The following DOK6 variants were observed in gnomAD, a reference collection of about 807,000 sequenced individuals.
The protein encoded by DOK6 is docking protein 6, also known as downstream of tyrosine kinase 6.
In DOK6, 22 loss-of-function variants were observed where a neutral mutation model predicts 44.0. The observed-to-expected ratio is 0.50, with a 90% CI of 0.36 to 0.71. DOK6 has a LOEUF of 0.71. Among genes scored for constraint, DOK6 ranks in the 30% least tolerant of loss-of-function variants. The probability of loss-of-function intolerance (pLI) is 0.00; values close to 1 mark genes in which losing one functional copy is unlikely to be tolerated. For synonymous variants in DOK6, 166 were observed against 145.5 expected (o/e 1.14, Z -1.01); for missense variants, 340 against 416.4 (o/e 0.82, Z 1.60).
chr18:69,654,903 A>G (rs1196627998), intron 3 of DOK6, among the ~76,000 whole-genome samples: 2 of 152,144 alleles, frequency 1.3e-5, no homozygotes, highest in African/African-American at 2.4e-5. Context: ...CAAAAGATAC[A>G]GAAAATTAGC....
intron 6 of DOK6, among the ~76,000 whole-genome samples, chr18:69,743,277 T>A (rs149265444): frequency 6.6e-6 from 1 of 152,354 alleles, no homozygotes; most frequent in African/African-American, 2.4e-5. Context: ...TAGAAATGTT[T>A]CCATTTCACA....
intron 1 of DOK6, among the ~76,000 whole-genome samples, chr18:69,472,474 T>C (rs1568268918): frequency 6.6e-6 from 1 of 152,190 alleles, no homozygotes; most frequent in African/African-American, 2.4e-5. Flanking sequence ...AGATTGCATG[T>C]GCCTTGGAAT....
At chr18:69,519,300 G>A (rs1275561518) in intron 1 of DOK6, among the ~76,000 whole-genome samples, 1 of 151,738 alleles carries the variant, frequency 6.6e-6, no homozygotes, top group African/African-American at 2.4e-5. Flanking sequence ...AATTTATAGT[G>A]AAGAAAAAAA....
intron 1 of DOK6, among the ~76,000 whole-genome samples, chr18:69,434,271 G>A (rs565102779): frequency 6.6e-6 from 1 of 152,232 alleles, no homozygotes; most frequent in South Asian, 2.1e-4. Context: ...CTTGATTAAC[G>A]TTTCTGCCAC....
intron 5 of DOK6, among the ~76,000 whole-genome samples, chr18:69,703,545 A>C (rs1024104644): frequency 2.0e-4 from 30 of 152,190 alleles, no homozygotes; most frequent in African/African-American, 6.8e-4. Flanking sequence ...AAAAACATTA[A>C]TGATGTCAAC....
chr18:69,782,679 G>A (rs573503860), intron 7 of DOK6, among the ~76,000 whole-genome samples: 92 of 152,024 alleles, frequency 6.1e-4, no homozygotes, highest in African/African-American at 2.0e-3. Flanking sequence ...CAGGAGAATC[G>A]CTTGAACCCA....
intron 5 of DOK6, among the ~76,000 whole-genome samples, chr18:69,726,409 G>T (rs963647228): frequency 1.3e-5 from 2 of 151,458 alleles, no homozygotes; most frequent in Non-Finnish European, 2.9e-5. Context: ...TCCAGTTTCC[G>T]GCTAAGCATT....
At chr18:69,431,400 A>C (rs1398003619) in intron 1 of DOK6, among the ~76,000 whole-genome samples, 1 of 152,182 alleles carries the variant, frequency 6.6e-6, no homozygotes, top group African/African-American at 2.4e-5. Context: ...TAGCAACTCT[A>C]GGCAAGAGTG....
chr18:69,524,035 TA>T (rs1390268922), intron 1 of DOK6, among the ~76,000 whole-genome samples: 1 of 152,072 alleles, frequency 6.6e-6, no homozygotes, highest in Admixed American at 6.6e-5. Context: ...GAGTTATGTC[TA>T]AAACTGTACA....
intron 1 of DOK6, among the ~76,000 whole-genome samples, chr18:69,510,102 C>G (rs1464552986): frequency 6.6e-6 from 1 of 152,166 alleles, no homozygotes; most frequent in Non-Finnish European, 1.5e-5. Context: ...ATTTGTGTTT[C>G]AGAAACTTGC....
At chr18:69,493,735 A>G (rs1980803956) in intron 1 of DOK6, among the ~76,000 whole-genome samples, 3 of 152,240 alleles carry the variant, frequency 2.0e-5, no homozygotes. Context: ...TACAAATAAT[A>G]GAAAATTACA....
chr18:69,670,583 C>T (rs2063989436), intron 3 of DOK6, among the ~76,000 whole-genome samples: 1 of 148,702 alleles, frequency 6.7e-6, no homozygotes, highest in African/African-American at 2.5e-5. Context: ...GATCTTGGCT[C>T]ACTGCAACCT....
In DOK6 at chr18:69,474,960, C is replaced by T. The variant is rs138693197; in HGVS notation, c.66+73650C>T. Among the ~76,000 whole-genome samples, 1,323 of 152,140 alleles carry T rather than the reference C, an allele frequency of 8.7e-3. 18 individuals carry two copies. The highest frequency in any genetic ancestry group is 0.029 in the African/African-American group (1,208 of 41,496). Reference sequence around the variant, plus strand: ...CCATTCTAGATACTTAAAAATGATTCATATTTAAAATTTATGTTCTTATAT... The same window carrying T: ...CCATTCTAGATACTTAAAAATGATTTATATTTAAAATTTATGTTCTTATAT... On this transcript the variant is annotated intron_variant, in intron 1 of 7. Transcript: ENST00000382713.
At chr18:69,801,240 A>G (rs990570722) in intron 7 of DOK6, among the ~76,000 whole-genome samples, 1 of 152,180 alleles carries the variant, frequency 6.6e-6, no homozygotes, top group African/African-American at 2.4e-5. Flanking sequence ...AACATCATTT[A>G]TAATGGCTAT....
chr18:69,841,139 G>C, intron 7 of DOK6, 105 bp from the exon 8 acceptor site: 1 of 1,439,880 alleles, frequency 6.9e-7, no homozygotes, highest in Non-Finnish European at 9.5e-7. Flanking sequence ...CTTGTTTATT[G>C]TTCTTAAAAA....
chr18:69,544,403 C>T (rs12955246), intron 1 of DOK6, among the ~76,000 whole-genome samples: 27,591 of 151,342 alleles, frequency 0.18, 3,712 homozygotes, highest in Middle Eastern at 0.36. Flanking sequence ...GAGGAATGAT[C>T]AAATTTAGGA....
rs57308289 is a variant in DOK6, at chr18:69,602,138, A to T, written c.289+2640A>T. ...CCTTAAGTGGGGGCTGTTCATAGTT[A>T]CTTCCTCCCTAGGAGAATAGGATAG... On this transcript the variant is annotated intron_variant, in intron 3 of 7. Transcript: ENST00000382713. Among the ~76,000 whole-genome samples, 8 of 152,240 alleles carry T rather than the reference A, an allele frequency of 5.3e-5. No homozygotes were observed. In the East Asian group the frequency reaches 1.5e-3, roughly 29 times the overall value.
Position 69,434,560 on chromosome 18 carries a change from GCGGGCGGA to G in DOK6, c.66+33251_66+33258del, listed in dbSNP as rs1351991973. On this transcript the variant is annotated intron_variant, in intron 1 of 7. Coordinates refer to ENST00000382713, the MANE Select transcript of DOK6 (RefSeq NM_152721.6). ...AATCCCAGCACTTTGAAAGGCAGAG[GCGGGCGGA>G]TCACGAGGTTAGAGCATCGAGACCA... is the stretch of plus-strand genomic sequence containing the variant. 3.6e-4 allele frequency among the ~76,000 whole-genome samples: 54 copies of G among 149,210 alleles called. No individual in the cohort carries two copies. The East Asian group carries it at 0.011, about 30-fold the overall frequency.
intron 1 of DOK6, among the ~76,000 whole-genome samples, chr18:69,442,073 C>G (rs577334675): frequency 6.6e-6 from 1 of 152,108 alleles, no homozygotes; most frequent in East Asian, 1.9e-4. Context: ...GTGTACCAAT[C>G]CTGCATAATT....
Sources: gnomAD v4.1 joint callset for allele counts (sites outside exome capture counted in the v4.1 genomes callset) on GRCh38, gnomAD v4.1.1 for gene constraint, MANE v1.5 for transcripts, NCBI Gene and HGNC (gene_info 2026-07-23, HGNC 2026-07-21) for gene names.